SERPINA5: variants seen among roughly 807,000 people sequenced by gnomAD.
SERPINA5 encodes the protein plasma serine protease inhibitor.
A neutral mutation model predicts 25.3 loss-of-function variants in SERPINA5; 25 were observed. That is an observed-to-expected ratio of 0.99 (90% CI 0.72 to 1.38). The LOEUF (loss-of-function observed/expected upper bound fraction) is 1.38. Among genes scored for constraint, SERPINA5 ranks in the 40% most tolerant of loss-of-function variants. SERPINA5 has a pLI of 0.00. For synonymous variants in SERPINA5, 234 were observed against 206.2 expected (o/e 1.14, Z -1.16); for missense variants, 599 against 509.5 (o/e 1.18, Z -1.69).
chr14:94,585,895 T>C (rs1194938334), intron 2 of SERPINA5, among the ~76,000 whole-genome samples: 1 of 152,074 alleles, frequency 6.6e-6, no homozygotes, highest in Admixed American at 6.5e-5. Context: ...CACACTTCCA[T>C]AGCACGTGCC....
rs532864174 is a variant in SERPINA5, at chr14:94,588,226, G to T, written c.619+245G>T. Among the ~76,000 whole-genome samples, 349 of 152,194 alleles carry T rather than the reference G, an allele frequency of 2.3e-3. 4 individuals carry two copies. The highest frequency in any genetic ancestry group is 0.01 in the Middle Eastern group (3 of 294). On this transcript the variant is annotated intron_variant, in intron 3 of 5. Transcript: ENST00000329597. ...GGAGGAAGAGCTGGTTGCTGTCTTC[G>T]GGCCCCTGGGGACATCTGAAGCCCC...
At chr14:94,584,795 GCCA>G (rs1403686788) in intron 2 of SERPINA5, among the ~76,000 whole-genome samples, 2 of 152,198 alleles carry the variant, frequency 1.3e-5, no homozygotes, top group Non-Finnish European at 2.9e-5. Context: ...GGGGGGTTGA[GCCA>G]CATTGTTTCT....
In SERPINA5 at chr14:94,588,557, G is replaced by C. The variant is rs1885174375; in HGVS notation, c.619+576G>C. Among the ~76,000 whole-genome samples the C allele has an allele frequency of 4.6e-5, 7 of 152,116 alleles. No individual in the cohort carries two copies. The South Asian group carries it at 1.5e-3, about 32-fold the overall frequency. Reference sequence around the variant, plus strand: ...AGCTCCTGCCAGTTGCTGACCCTGGGGAAAGCAAGAGTGGATAGAGAGGAG... The same window carrying C: ...AGCTCCTGCCAGTTGCTGACCCTGGCGAAAGCAAGAGTGGATAGAGAGGAG... On this transcript the variant is annotated intron_variant, in intron 3 of 5. Coordinates refer to ENST00000329597, the MANE Select transcript of SERPINA5 (RefSeq NM_000624.6).
chr14:94,586,202 A>G (rs1885076487), intron 2 of SERPINA5, among the ~76,000 whole-genome samples: 1 of 152,180 alleles, frequency 6.6e-6, no homozygotes, highest in South Asian at 2.1e-4. Context: ...GGGAGACCCC[A>G]CAAAGGCCTC....
intron 2 of SERPINA5, among the ~76,000 whole-genome samples, chr14:94,585,276 A>C (rs912247260): frequency 3.3e-5 from 5 of 152,102 alleles, no homozygotes; most frequent in African/African-American, 1.2e-4. Flanking sequence ...TGCCTGAAAG[A>C]GGGTGCGGGC....
chr14:94,582,868 G>A (rs1245673631), intron 2 of SERPINA5, among the ~76,000 whole-genome samples: 1 of 152,214 alleles, frequency 6.6e-6, no homozygotes. Flanking sequence ...GCCATGGAAG[G>A]GGAAAAGGTC....
At chr14:94,586,010 C>G (rs960186421) in intron 2 of SERPINA5, among the ~76,000 whole-genome samples, 2 of 152,172 alleles carry the variant, frequency 1.3e-5, no homozygotes, top group African/African-American at 2.4e-5. Context: ...TACAAGGACA[C>G]AGCAGGGCTG....
At chr14:94,590,962 C>T in intron 5 of SERPINA5, 66 bp downstream of exon 5, 2 of 1,478,476 alleles carry the variant, frequency 1.4e-6, no homozygotes, top group South Asian at 1.4e-5. Context: ...TTCTATTCTA[C>T]TCTACCCCAT....
chr14:94,588,904 C>T (rs1388641787), intron 3 of SERPINA5, among the ~76,000 whole-genome samples: 1 of 152,104 alleles, frequency 6.6e-6, no homozygotes, highest in Non-Finnish European at 1.5e-5. Context: ...CATGACAGCT[C>T]CACCCCCATG....
intron 2 of SERPINA5, among the ~76,000 whole-genome samples, chr14:94,583,915 G>C (rs542471454): frequency 4.9e-4 from 75 of 152,280 alleles, no homozygotes; most frequent in African/African-American, 1.8e-3. Flanking sequence ...TCCACCAGAG[G>C]CCCAAGAGTG....
In SERPINA5 at chr14:94,587,970, T is replaced by A. The variant is rs202233497; in HGVS notation, c.608T>A (p.Ile203Asn). The A allele has an allele frequency of 6.4e-5, 103 of 1,613,646 alleles. No homozygotes were observed. The highest frequency in any genetic ancestry group is 8.6e-5 in the Non-Finnish European group (102 of 1,179,710). The change falls in exon 3 of 6, where the codon ATC becomes AAC. Residue 203 changes from isoleucine to asparagine, a missense_variant. Physicochemically the swap from Ile to Asn is moderately radical, Grantham distance 149. Transcript: ENST00000329597. ...SNAVVIMVNYIFFKAKWETSF... is the reference protein window; with the variant it reads ...SNAVVIMVNYNFFKAKWETSF... ...GCGGTCGTGATCATGGTGAATTACA[T>A]CTTCTTTAAAGGTAAGGCCCTTGGG...
chr14:94,590,053 C>A lies in SERPINA5; in HGVS notation c.632C>A (p.Thr211Lys), dbSNP rs1566838486. 3 of 1,576,276 alleles carry A rather than the reference C, an allele frequency of 1.9e-6. No individual in the cohort carries two copies. The highest frequency in any genetic ancestry group is 2.6e-6 in the Non-Finnish European group (3 of 1,155,666). The change falls in exon 4 of 6, where the codon ACA becomes AAA. Residue 211 changes from threonine (T) to lysine (K), a missense_variant. By Grantham distance (78) the Thr-to-Lys change is moderately conservative. Transcript: ENST00000329597. ...TTTTCATCTTTAGCTAAGTGGGAGA[C>A]AAGCTTCAACCACAAAGGCACCCAA... is the stretch of plus-strand genomic sequence containing the variant. ...NYIFFKAKWE[T>K]SFNHKGTQEQ...
chr14:94,584,738 C>T (rs1197260836), intron 2 of SERPINA5, among the ~76,000 whole-genome samples: 1 of 152,194 alleles, frequency 6.6e-6, no homozygotes, highest in African/African-American at 2.4e-5. Context: ...GGAAACTCCC[C>T]TGCTTCTGAA....
intron 5 of SERPINA5, among the ~76,000 whole-genome samples, chr14:94,591,201 C>A (rs1885275127): frequency 6.8e-6 from 1 of 147,580 alleles, no homozygotes; most frequent in African/African-American, 2.5e-5. Context: ...TACTCCTCCA[C>A]TCCACATCTC....
In SERPINA5 at chr14:94,592,739, T is replaced by C. The variant is rs9113; in HGVS notation, c.*500T>C. Reference sequence around the variant, plus strand: ...AATGGGGCTACTGTTTCAGTCCTAATGTGCTGTGTGACATTGGGACAACAC... The same window carrying C: ...AATGGGGCTACTGTTTCAGTCCTAACGTGCTGTGTGACATTGGGACAACAC... On this transcript the variant is annotated 3_prime_UTR_variant, in exon 6 of 6. Coordinates refer to ENST00000329597, the MANE Select transcript of SERPINA5 (RefSeq NM_000624.6). The C allele has an allele frequency of 0.53, 82,532 of 154,904 alleles. 22,871 individuals carry two copies. The highest frequency in any genetic ancestry group is 0.69 in the Middle Eastern group (205 of 296). The allele number at this position is 154,904 out of a possible 1,614,324, so 9.6% of individuals were successfully genotyped here.
At position 94,590,797 on chromosome 14, in the gene SERPINA5, G is replaced by C; in HGVS notation, c.939G>C (p.Gln313His). 6.2e-7 allele frequency: 1 copy of C among 1,614,044 alleles called. No homozygotes were observed. Among genetic ancestry groups the C allele is most frequent in the Non-Finnish European group, 8.5e-7 (1 of 1,179,960 alleles). ...AATTCTCCATTGAGGGCTCCTATCA[G>C]CTGGAGAAAGTCCTCCCCAGTCTGG... ...LPKFSIEGSY[Q>H]LEKVLPSLGI... Residue 313 changes from glutamine (Q) to histidine (H), a missense_variant, in exon 5 of 6, where the codon CAG becomes CAC. By Grantham distance (24) the Gln-to-His change is conservative. Transcript: ENST00000329597.
intron 2 of SERPINA5, among the ~76,000 whole-genome samples, chr14:94,585,284 G>A (rs560528056): frequency 6.6e-6 from 1 of 152,244 alleles, no homozygotes; most frequent in East Asian, 1.9e-4. Flanking sequence ...AGAGGGTGCG[G>A]GCAATGCGCC....
chr14:94,585,463 C>T (rs1885043812), intron 2 of SERPINA5, among the ~76,000 whole-genome samples: 1 of 152,180 alleles, frequency 6.6e-6, no homozygotes, highest in Non-Finnish European at 1.5e-5. Context: ...GCAGTCCAAG[C>T]CTGCCCAATT....
chr14:94,587,438 G>A lies in SERPINA5; in HGVS notation c.76G>A (p.Glu26Lys). Residue 26 changes from glutamate to lysine, a missense_variant, in exon 3 of 6, where the codon GAG becomes AAG. Transcript: ENST00000329597. ...GASLHRHHPR[E>K]MKKRVEDLHV... ...CTCCCTTCACCGCCACCACCCCCGG[G>A]AGATGAAGAAGAGAGTCGAGGACCT... 6.2e-7 allele frequency: 1 copy of A among 1,614,138 alleles called. No individual in the cohort carries two copies.
Sources: allele counts gnomAD v4.1 joint callset (sites outside exome capture counted in the v4.1 genomes callset), GRCh38; gene constraint gnomAD v4.1.1; transcripts MANE v1.5; gene names NCBI Gene and HGNC (gene_info 2026-07-23, HGNC 2026-07-21).